PDGFD: variants seen among roughly 807,000 people sequenced by gnomAD.
The protein encoded by PDGFD is platelet derived growth factor D, also known as platelet-derived growth factor D.
PDGFD carries 30 observed loss-of-function variants against 44.7 expected under a neutral mutation model. The ratio of observed to expected loss-of-function variants is 0.67; its 90% CI spans 0.50 to 0.91. PDGFD has a LOEUF of 0.91. Among genes scored for constraint, PDGFD ranks in the 40% least tolerant of loss-of-function variants. PDGFD has a pLI of 0.00. For synonymous variants in PDGFD, 173 were observed against 168.4 expected, an observed-to-expected ratio of 1.03 and a Z score of -0.21; for missense variants, 445 against 457.8, an observed-to-expected ratio of 0.97 and a Z score of 0.25.
intron 3 of PDGFD, among the ~76,000 whole-genome samples, chr11:103,955,742 T>A (rs1261432476): frequency 2.0e-5 from 3 of 152,138 alleles, no homozygotes; most frequent in African/African-American, 7.2e-5. Flanking sequence ...TTTCTTAGAG[T>A]TACAAGAAGC....
At chr11:104,035,653 A>G (rs955411603) in intron 1 of PDGFD, among the ~76,000 whole-genome samples, 4 of 148,618 alleles carry the variant, frequency 2.7e-5, no homozygotes, top group African/African-American at 1.0e-4. Flanking sequence ...GACTTCATCA[A>G]TTGGCTCAAC....
At chr11:104,009,287 G>A (rs996056990) in intron 1 of PDGFD, among the ~76,000 whole-genome samples, 1 of 151,994 alleles carries the variant, frequency 6.6e-6, no homozygotes, top group African/African-American at 2.4e-5. Flanking sequence ...TGTTATATAT[G>A]GGGGCTGCTC....
chr11:104,049,517 G>T (rs138972849), intron 1 of PDGFD, among the ~76,000 whole-genome samples: 2,275 of 152,126 alleles, frequency 0.015, 21 homozygotes, highest in Non-Finnish European at 0.022. Context: ...GCAAAGGAAA[G>T]ACATTTGATT....
chr11:104,100,056 C>A (rs1363735115), intron 1 of PDGFD, among the ~76,000 whole-genome samples: 2 of 151,904 alleles, frequency 1.3e-5, no homozygotes, highest in Admixed American at 1.3e-4. Context: ...ATGCAAAAGT[C>A]GACTACATGC....
At chr11:104,098,263 G>A (rs1861313838) in intron 1 of PDGFD, among the ~76,000 whole-genome samples, 1 of 152,104 alleles carries the variant, frequency 6.6e-6, no homozygotes, top group South Asian at 2.1e-4. Flanking sequence ...AGCTACCCTG[G>A]TTCAACCCCC....
chr11:104,122,553 A>T lies in PDGFD; in HGVS notation c.124+41251T>A, dbSNP rs189751940. Among the ~76,000 whole-genome samples the T allele has an allele frequency of 1.9e-3, 282 of 152,056 alleles. 3 individuals are homozygous for T. The highest frequency in any genetic ancestry group is 6.4e-3 in the African/African-American group (267 of 41,502). ...TCTGGGACCCCTCTCTCCAGCAGAG[A>T]GCTATCCTCTTTCTTTCACCTATTA... On this transcript the variant is annotated intron_variant, in intron 1 of 6. Coordinates refer to ENST00000393158, the MANE Select transcript of PDGFD (RefSeq NM_025208.5).
intron 1 of PDGFD, among the ~76,000 whole-genome samples, chr11:104,122,653 G>A (rs933997493): frequency 2.0e-5 from 3 of 151,862 alleles, no homozygotes; most frequent in Non-Finnish European, 4.4e-5. Flanking sequence ...GGAACCTCGG[G>A]TATAACCCCA....
At position 104,042,340 on chromosome 11, in the gene PDGFD, A is replaced by G. The variant is rs1480217941; in HGVS notation, c.125-42085T>C. 2.6e-5 allele frequency among the ~76,000 whole-genome samples: 4 copies of G among 152,298 alleles called. No individual in the cohort carries two copies. In the East Asian group the frequency reaches 7.7e-4, roughly 29 times the overall value. ...TTCCACACCTGGGTCCATCTGTTAGAATCTTTGAATTTCTAAGGATCTGTT... is the reference window on the plus strand; with the variant it reads ...TTCCACACCTGGGTCCATCTGTTAGGATCTTTGAATTTCTAAGGATCTGTT... On this transcript the variant is annotated intron_variant, in intron 1 of 6. Transcript: ENST00000393158.
intron 3 of PDGFD, among the ~76,000 whole-genome samples, chr11:103,959,363 T>C (rs1591095251): frequency 6.6e-6 from 1 of 152,210 alleles, no homozygotes; most frequent in East Asian, 1.9e-4. Context: ...ACCTTTTTCT[T>C]GACCTGACTT....
Position 103,909,619 on chromosome 11 carries a change from G to A in PDGFD, c.*75C>T. The stretch of plus-strand genomic sequence containing the variant: ...CTAGTAGTAAGTTTGGTTGCTGGTA[G>A]GAAAAGGGTCTCTTATCTCACCCTC... On this transcript the variant is annotated 3_prime_UTR_variant, in exon 7 of 7. Transcript: ENST00000393158. The A allele has an allele frequency of 6.4e-7, 1 of 1,568,414 alleles. No homozygotes were observed. The highest frequency in any genetic ancestry group is 8.7e-7 in the Non-Finnish European group (1 of 1,143,632).
intron 1 of PDGFD, among the ~76,000 whole-genome samples, chr11:104,096,054 T>C (rs545440758): frequency 2.0e-5 from 3 of 152,192 alleles, no homozygotes; most frequent in Non-Finnish European, 4.4e-5. Context: ...ACTTAGGCAC[T>C]TGGAGAATCT....
intron 3 of PDGFD, among the ~76,000 whole-genome samples, chr11:103,985,118 A>AATATATTAATTTATTTAAT (rs1565302916): frequency 4.5e-5 from 2 of 44,822 alleles, no homozygotes; most frequent in Non-Finnish European, 8.9e-5. Flanking sequence ...TTTAATATAT[A>AATATATTAATTTATTTAAT]ATATATTAAT....
chr11:103,959,194 C>T (rs1482127996), intron 3 of PDGFD, among the ~76,000 whole-genome samples: 1 of 152,176 alleles, frequency 6.6e-6, no homozygotes. Flanking sequence ...TTTCCCTCTA[C>T]ACATTCATCC....
chr11:103,987,743 C>T (rs1421235668), intron 3 of PDGFD, among the ~76,000 whole-genome samples: 1 of 152,174 alleles, frequency 6.6e-6, no homozygotes, highest in Non-Finnish European at 1.5e-5. Context: ...GCACCATTAA[C>T]CTGCAACACT....
At chr11:104,075,258 T>C (rs918394563) in intron 1 of PDGFD, among the ~76,000 whole-genome samples, 2 of 152,244 alleles carry the variant, frequency 1.3e-5, no homozygotes, top group African/African-American at 4.8e-5. Context: ...AAGCATGTTA[T>C]TGATGAATTT....
chr11:104,069,136 G>C (rs930408061), intron 1 of PDGFD, among the ~76,000 whole-genome samples: 2 of 152,098 alleles, frequency 1.3e-5, no homozygotes, highest in Admixed American at 6.6e-5. Context: ...TTCTCTTCAG[G>C]CTCTTTTAAT....
intron 5 of PDGFD, among the ~76,000 whole-genome samples, chr11:103,929,937 G>A (rs1858373963): frequency 6.6e-6 from 1 of 152,052 alleles, no homozygotes; most frequent in Non-Finnish European, 1.5e-5. Context: ...AGAGAGAGGG[G>A]CTGCCCTTTC....
chr11:104,081,123 T>G (rs192912698), intron 1 of PDGFD, among the ~76,000 whole-genome samples: 13 of 151,400 alleles, frequency 8.6e-5, no homozygotes, highest in African/African-American at 2.2e-4. Context: ...TTTATTTTTG[T>G]TTTTTTTTAA....
chr11:104,035,555 CTTTTTCTTTTTTTT>C (rs904130740), intron 1 of PDGFD, among the ~76,000 whole-genome samples: 3 of 111,496 alleles, frequency 2.7e-5, no homozygotes, highest in African/African-American at 1.0e-4. Context: ...TTCCTTACTT[CTTTTTCTTTTTTTT>C]TTTTTTTTTT....
Sources: allele counts gnomAD v4.1 joint callset (sites outside exome capture counted in the v4.1 genomes callset), GRCh38; gene constraint gnomAD v4.1.1; transcripts MANE v1.5; gene names NCBI Gene and HGNC (gene_info 2026-07-23, HGNC 2026-07-21).